ATXN2: variants seen among roughly 807,000 people sequenced by gnomAD.
The protein encoded by ATXN2 is ataxin-2.
Under a neutral mutation model 138.6 loss-of-function variants are expected in ATXN2, and 37 were observed. The observed-to-expected ratio is 0.27, with a 90% CI of 0.21 to 0.35. The LOEUF is 0.35. Ranked by LOEUF, ATXN2 falls within the 10% of genes least tolerant of loss-of-function variation. The probability of loss-of-function intolerance (pLI) is 1.00; values close to 1 mark genes in which losing one functional copy is unlikely to be tolerated. For synonymous variants in ATXN2, 549 were observed against 543.7 expected, an observed-to-expected ratio of 1.01 and a Z score of -0.13; for missense variants, 1,216 against 1,480.3, an observed-to-expected ratio of 0.82 and a Z score of 2.93.
intron 5 of ATXN2, among the ~76,000 whole-genome samples, chr12:111,546,624 C>T (rs939136980): frequency 2.6e-5 from 4 of 151,062 alleles, no homozygotes; most frequent in Admixed American, 6.6e-5. Context: ...TGAATAATGG[C>T]GCAACAGGAA....
At chr12:111,559,184 G>A (rs1273725952) in intron 1 of ATXN2, among the ~76,000 whole-genome samples, 1 of 150,732 alleles carries the variant, frequency 6.6e-6, no homozygotes, top group Non-Finnish European at 1.5e-5. Flanking sequence ...CCAGGCTGGA[G>A]TGCAGTGGCA....
chr12:111,510,249 T>C, intron 12 of ATXN2, 136 bp downstream of exon 12: 1 of 1,033,626 alleles, frequency 9.7e-7, no homozygotes, highest in East Asian at 2.5e-5. Flanking sequence ...CATCAAAATT[T>C]ACATAAACTT....
At chr12:111,495,117 C>T (rs779460602) in intron 14 of ATXN2, among the ~76,000 whole-genome samples, 12 of 152,038 alleles carry the variant, frequency 7.9e-5, no homozygotes, top group East Asian at 5.8e-4. Context: ...AACAGCCTGA[C>T]GAACATACTG....
chr12:111,576,725 C>T (rs558835066), intron 1 of ATXN2, among the ~76,000 whole-genome samples: 207 of 151,546 alleles, frequency 1.4e-3, no homozygotes, highest in Middle Eastern at 3.4e-3. Context: ...TTTGGGAGGC[C>T]GAGGCGGGCG....
intron 5 of ATXN2, among the ~76,000 whole-genome samples, chr12:111,548,759 T>C (rs758838263): frequency 1.3e-5 from 2 of 152,160 alleles, no homozygotes; most frequent in Non-Finnish European, 2.9e-5. Context: ...TCTTTTTTTA[T>C]TCTGTTGCCC....
intron 1 of ATXN2, among the ~76,000 whole-genome samples, chr12:111,576,296 TAGTC>T (rs1325525167): frequency 1.3e-5 from 2 of 151,260 alleles, no homozygotes; most frequent in African/African-American, 2.4e-5. Flanking sequence ...ATACAAAAAT[TAGTC>T]AGGCACGGTA....
In ATXN2 at chr12:111,478,103, T is replaced by C. The variant is rs531972970; in HGVS notation, c.2524+7162A>G. On this transcript the variant is annotated intron_variant, in intron 18 of 24. Coordinates refer to ENST00000673436, the MANE Select transcript of ATXN2 (RefSeq NM_001372574.1). ...GAGCCAGTGCACCCAGGCAGAAACA[T>C]TGAGACAAAAAGAAATTATTAGGAC... Among the ~76,000 whole-genome samples the C allele has an allele frequency of 6.0e-5, 9 of 150,828 alleles. 1 individual carries two copies. The highest frequency in any genetic ancestry group is 4.4e-4 in the South Asian group (2 of 4,558).
intron 15 of ATXN2, 57 bp downstream of exon 15, chr12:111,488,419 T>TA: frequency 7.9e-6 from 12 of 1,524,638 alleles, no homozygotes; most frequent in African/African-American, 1.4e-5. Flanking sequence ...CTAAATGCCT[T>TA]TAAAAAAAAA....
chr12:111,545,009 T>A (rs629404), intron 5 of ATXN2, among the ~76,000 whole-genome samples: 65,958 of 151,274 alleles, frequency 0.44, 19,255 homozygotes, highest in East Asian at 0.94. Flanking sequence ...AATACAAAAA[T>A]TTAGCTGGGC....
At chr12:111,580,656 G>A (rs1883944842) in intron 1 of ATXN2, among the ~76,000 whole-genome samples, 1 of 126,850 alleles carries the variant, frequency 7.9e-6, no homozygotes, top group African/African-American at 2.9e-5. Flanking sequence ...AAGGGGAGGG[G>A]GAGAGAGAAG....
At chr12:111,584,906 G>A (rs903124617) in intron 1 of ATXN2, among the ~76,000 whole-genome samples, 8 of 151,894 alleles carry the variant, frequency 5.3e-5, no homozygotes, top group Admixed American at 1.3e-4. Flanking sequence ...GAGGCAGATC[G>A]GGCCATTGCA....
intron 6 of ATXN2, among the ~76,000 whole-genome samples, chr12:111,523,581 C>G (rs568445754): frequency 6.6e-6 from 1 of 152,040 alleles, no homozygotes; most frequent in East Asian, 1.9e-4. Context: ...CAAAAATTAG[C>G]TGGGTGTGGT....
chr12:111,459,064 AC>A (rs1875362185), intron 21 of ATXN2, among the ~76,000 whole-genome samples: 1 of 152,266 alleles, frequency 6.6e-6, no homozygotes, highest in Non-Finnish European at 1.5e-5. Context: ...TAGACTGGAT[AC>A]AGCAGCTTTG....
chr12:111,509,036 T>C (rs1008129968), intron 14 of ATXN2, among the ~76,000 whole-genome samples: 3 of 152,202 alleles, frequency 2.0e-5, no homozygotes, highest in Admixed American at 2.0e-4. Context: ...TCTACCTCGA[T>C]ACCTATAGTA....
intron 5 of ATXN2, among the ~76,000 whole-genome samples, chr12:111,542,970 A>G (rs925293751): frequency 6.6e-6 from 1 of 152,230 alleles, no homozygotes; most frequent in Admixed American, 6.5e-5. Context: ...TAAAAATTAT[A>G]AAACATGTAA....
chr12:111,552,639 G>A lies in ATXN2; in HGVS notation c.421-209C>T, dbSNP rs1158556560. 1.6e-6 allele frequency: 1 copy of A among 607,534 alleles called. No homozygotes were observed. Among genetic ancestry groups the A allele is most frequent in the Non-Finnish European group, 2.7e-6 (1 of 375,354 alleles). 37.6% of individuals were successfully genotyped at this position (607,534 alleles called of 1,614,324 possible). A position where few individuals can be genotyped will look rare whatever the true frequency, so the allele number is the denominator to read the frequency against. ...TAAATGTTTTTTGTTTCTATGGTTTGTCTTAAGTACATTAATAATAATTTT... is the reference window on the plus strand; with the variant it reads ...TAAATGTTTTTTGTTTCTATGGTTTATCTTAAGTACATTAATAATAATTTT... On this transcript the variant is annotated intron_variant, in intron 4 of 24. Coordinates refer to ENST00000673436, the MANE Select transcript of ATXN2 (RefSeq NM_001372574.1). The surrounding 1 kb of genome is among the most constrained non-coding windows in gnomAD (Gnocchi z 4.1).
At chr12:111,459,350 T>C (rs1316612172) in intron 21 of ATXN2, among the ~76,000 whole-genome samples, 1 of 152,214 alleles carries the variant, frequency 6.6e-6, no homozygotes, top group Admixed American at 6.5e-5. Flanking sequence ...CTCCAAGTTG[T>C]ATAGGCACTG....
chr12:111,566,229 T>TC (rs1882996134), intron 1 of ATXN2, among the ~76,000 whole-genome samples: 1 of 151,844 alleles, frequency 6.6e-6, no homozygotes, highest in African/African-American at 2.4e-5. Context: ...GATCGGGAGT[T>TC]CAAGACCAGC....
chr12:111,565,938 C>T (rs1882977885), intron 1 of ATXN2, among the ~76,000 whole-genome samples: 1 of 150,822 alleles, frequency 6.6e-6, no homozygotes, highest in East Asian at 2.0e-4. Context: ...GTAGGATGCA[C>T]TGAGCTGAGA....
Sources: allele counts gnomAD v4.1 joint callset (sites outside exome capture counted in the v4.1 genomes callset), GRCh38; gene constraint gnomAD v4.1.1; non-coding constraint Gnocchi (gnomAD v3.1); transcripts MANE v1.5; gene names NCBI Gene and HGNC (gene_info 2026-07-23, HGNC 2026-07-21).